The following ARFGEF1 variants were observed in gnomAD, a reference collection of about 807,000 sequenced individuals.
The protein encoded by ARFGEF1 is brefeldin A-inhibited guanine nucleotide-exchange protein 1.
ARFGEF1 carries 42 observed loss-of-function variants against 231.0 expected under a neutral mutation model. The observed-to-expected ratio is 0.18, with a 90% CI of 0.14 to 0.24. The LOEUF (loss-of-function observed/expected upper bound fraction) is 0.24, where lower values mean the gene tolerates loss of function less well. Among genes scored for constraint, ARFGEF1 ranks in the 10% least tolerant of loss-of-function variants. The pLI is 1.00. For missense variants in ARFGEF1, 1,345 were observed against 2,192.0 expected, an observed-to-expected ratio of 0.61 and a Z score of 7.72; for synonymous variants, 710 against 732.3, an observed-to-expected ratio of 0.97 and a Z score of 0.49.
At chr8:67,252,478 G>C (rs1840327027) in intron 18 of ARFGEF1, among the ~76,000 whole-genome samples, 1 of 151,970 alleles carries the variant, frequency 6.6e-6, no homozygotes, top group Non-Finnish European at 1.5e-5. Context: ...AAATAGGACA[G>C]AAAAAGAGGA....
chr8:67,201,721 A>T, intron 36 of ARFGEF1, 116 bp from the exon 37 acceptor site: 1 of 1,369,968 alleles, frequency 7.3e-7, no homozygotes, highest in South Asian at 1.3e-5. Context: ...TGCTGCTTAC[A>T]AAACGGAGCC....
chr8:67,193,325 G>A, downstream of ARFGEF1: 3 of 584,240 alleles, frequency 5.1e-6, no homozygotes. Context: ...TTGAACTCCT[G>A]ACTTCAGGTG....
chr8:67,242,499 G>C (rs1440927002), intron 19 of ARFGEF1, among the ~76,000 whole-genome samples: 1 of 152,072 alleles, frequency 6.6e-6, no homozygotes, highest in African/African-American at 2.4e-5. Flanking sequence ...GTCCTCACAG[G>C]ATCCCTTATT....
intron 14 of ARFGEF1, among the ~76,000 whole-genome samples, chr8:67,262,812 G>A (rs2128891927): frequency 6.6e-6 from 1 of 152,272 alleles, no homozygotes; most frequent in African/African-American, 2.4e-5. Context: ...TTAAATTAAT[G>A]TGTGTACATT....
At chr8:67,244,271 T>A (rs71517407) in intron 19 of ARFGEF1, among the ~76,000 whole-genome samples, 67,575 of 67,956 alleles carry the variant, frequency 0.99, 33,597 homozygotes, top group East Asian at 1. Context: ...AAAAAAAACA[T>A]TCGACTACTG....
intron 5 of ARFGEF1, among the ~76,000 whole-genome samples, chr8:67,184,964 AAAG>A (rs1270164795): frequency 6.9e-6 from 1 of 144,832 alleles, no homozygotes; most frequent in South Asian, 2.2e-4. Context: ...AAAAAAAAAA[AAAG>A]GTGGTGGGCA....
In ARFGEF1 at chr8:67,248,024, T is replaced by C. The variant is rs192730184; in HGVS notation, c.2850+3275A>G. 1.3e-4 allele frequency among the ~76,000 whole-genome samples: 19 copies of C among 149,574 alleles called. 2 individuals are homozygous for C. In the South Asian group the frequency reaches 1.5e-3, roughly 12 times the overall value. On this transcript the variant is annotated intron_variant, in intron 19 of 38. Transcript: ENST00000262215. ...GACACTGAAGAGGACACCAGAAAAA[T>C]TGAAAGATATTTTATGTTTATGGAT...
At chr8:67,254,275 C>T (rs1287083783) in intron 17 of ARFGEF1, among the ~76,000 whole-genome samples, 1 of 152,146 alleles carries the variant, frequency 6.6e-6, no homozygotes, top group African/African-American at 2.4e-5. Context: ...TGGGAACTAG[C>T]ATAGCCAAAA....
chr8:67,321,428 A>G (rs1206576779), intron 1 of ARFGEF1, among the ~76,000 whole-genome samples: 1 of 152,138 alleles, frequency 6.6e-6, no homozygotes, highest in Admixed American at 6.5e-5. Context: ...GTATTTGTAT[A>G]GCCAAGGATG....
chr8:67,222,164 C>CAT (rs1333771303), intron 29 of ARFGEF1, among the ~76,000 whole-genome samples: 301 of 119,126 alleles, frequency 2.5e-3, no homozygotes, highest in African/African-American at 5.6e-3. Flanking sequence ...CTTTTCCATG[C>CAT]ATATATATAT....
chr8:67,272,614 G>T (rs149177452), intron 9 of ARFGEF1, among the ~76,000 whole-genome samples: 1 of 152,070 alleles, frequency 6.6e-6, no homozygotes, highest in Non-Finnish European at 1.5e-5. Flanking sequence ...CAACTTGTCA[G>T]ATTAAATGCC....
chr8:67,224,112 T>G (rs1445945418), intron 29 of ARFGEF1, among the ~76,000 whole-genome samples: 1 of 152,212 alleles, frequency 6.6e-6, no homozygotes, highest in African/African-American at 2.4e-5. Context: ...CATTCTGTGC[T>G]ACCTTTAGAA....
chr8:67,211,729 T>A (rs1029071252), intron 33 of ARFGEF1, 114 bp from the exon 34 acceptor site: 15 of 578,822 alleles, frequency 2.6e-5, no homozygotes, highest in Non-Finnish European at 3.9e-5. Context: ...AAATGATGTT[T>A]TACACATTAC....
intron 22 of ARFGEF1, among the ~76,000 whole-genome samples, chr8:67,236,317 CAA>C (rs1170379472): frequency 2.5e-4 from 3 of 12,100 alleles, no homozygotes; most frequent in Non-Finnish European, 7.0e-4. Context: ...GACTGTGACT[CAA>C]AAAAAAAAAA....
intron 14 of ARFGEF1, among the ~76,000 whole-genome samples, chr8:67,260,252 T>C (rs759788189): frequency 2.0e-5 from 3 of 152,248 alleles, no homozygotes; most frequent in Non-Finnish European, 4.4e-5. Context: ...GAATGCCATG[T>C]AGTAGACGAA....
At chr8:67,313,329 G>C (rs1246506616) in intron 1 of ARFGEF1, among the ~76,000 whole-genome samples, 1 of 152,194 alleles carries the variant, frequency 6.6e-6, no homozygotes, top group Non-Finnish European at 1.5e-5. Context: ...TGGTAAACTA[G>C]TGTGATTTTT....
At chr8:67,322,457 G>A (rs756655186) in intron 1 of ARFGEF1, among the ~76,000 whole-genome samples, 5 of 152,192 alleles carry the variant, frequency 3.3e-5, no homozygotes, top group Non-Finnish European at 7.3e-5. Context: ...AACACTTTGG[G>A]AGGCCCAGTG....
intron 19 of ARFGEF1, among the ~76,000 whole-genome samples, chr8:67,248,584 T>C (rs1840176841): frequency 6.6e-6 from 1 of 150,470 alleles, no homozygotes; most frequent in Non-Finnish European, 1.5e-5. Context: ...TGGGCAAAGA[T>C]TTCTTGAGAA....
intron 23 of ARFGEF1, among the ~76,000 whole-genome samples, chr8:67,229,672 A>G (rs1202187916): frequency 6.6e-6 from 1 of 152,032 alleles, no homozygotes; most frequent in Non-Finnish European, 1.5e-5. Flanking sequence ...ACGTCTACAG[A>G]GCTCTCGCAA....
Sources: allele counts gnomAD v4.1 joint callset (sites outside exome capture counted in the v4.1 genomes callset), GRCh38; gene constraint gnomAD v4.1.1; transcripts MANE v1.5; gene names NCBI Gene and HGNC (gene_info 2026-07-23, HGNC 2026-07-21).